TMEM132D: variants seen among roughly 807,000 people sequenced by gnomAD.
The protein encoded by TMEM132D is transmembrane protein 132D.
A neutral mutation model predicts 62.3 loss-of-function variants in TMEM132D; 21 were observed. The observed-to-expected ratio is 0.34, with a 90% CI of 0.24 to 0.49. The LOEUF (loss-of-function observed/expected upper bound fraction) is 0.49. TMEM132D is among the 20% of genes least tolerant of loss of function. The pLI, the probability that TMEM132D is intolerant of heterozygous loss-of-function variation, is 0.99. For synonymous variants in TMEM132D, 621 were observed against 575.6 expected (o/e 1.08, Z -1.13); for missense variants, 1,346 against 1,402.8 (o/e 0.96, Z 0.65).
chr12:129,777,407 T>C (rs1256430244), intron 1 of TMEM132D, among the ~76,000 whole-genome samples: 2 of 152,198 alleles, frequency 1.3e-5, no homozygotes, highest in African/African-American at 2.4e-5. Context: ...AGAATCCACT[T>C]GCGAGCTAGA....
intron 3 of TMEM132D, among the ~76,000 whole-genome samples, chr12:129,452,329 A>G (rs1873318944): frequency 6.6e-6 from 1 of 152,258 alleles, no homozygotes; most frequent in African/African-American, 2.4e-5. Flanking sequence ...AAACATTTCA[A>G]ACTTACTTTC....
At position 129,200,021 on chromosome 12, in the gene TMEM132D, C is replaced by T. The variant is rs111253651; in HGVS notation, c.1443+9499G>A. 4.9e-3 allele frequency among the ~76,000 whole-genome samples: 746 copies of T among 152,170 alleles called. 8 individuals are homozygous for T. Among genetic ancestry groups the T allele is most frequent in the African/African-American group, 0.017 (688 of 41,512 alleles). On this transcript the variant is annotated intron_variant, in intron 5 of 8. Transcript: ENST00000422113. ...ACTATTTGCTGTCCAAATAGAATGC[C>T]GTGATTAAAAATCAATAATAATGCC...
At chr12:129,248,901 T>G (rs2135589028) in intron 4 of TMEM132D, among the ~76,000 whole-genome samples, 1 of 152,302 alleles carries the variant, frequency 6.6e-6, no homozygotes, top group African/African-American at 2.4e-5. Flanking sequence ...GGTTGCATAG[T>G]ATTCCATGGT....
At chr12:129,288,735 A>C (rs1215817198) in intron 4 of TMEM132D, among the ~76,000 whole-genome samples, 1 of 152,252 alleles carries the variant, frequency 6.6e-6, no homozygotes, top group Non-Finnish European at 1.5e-5. Context: ...CTAGGTATTT[A>C]TCCAAAATAA....
At chr12:129,601,709 C>G (rs1878487542) in intron 2 of TMEM132D, among the ~76,000 whole-genome samples, 1 of 137,806 alleles carries the variant, frequency 7.3e-6, no homozygotes, top group Non-Finnish European at 1.7e-5. Flanking sequence ...GTGGGGCAGT[C>G]AGAACACACA....
At chr12:129,125,563 G>C (rs137971018) in intron 5 of TMEM132D, among the ~76,000 whole-genome samples, 9 of 145,746 alleles carry the variant, frequency 6.2e-5, no homozygotes, top group African/African-American at 1.3e-4. Flanking sequence ...AGAGTGCAGT[G>C]ACACAATCAC....
chr12:129,815,533 G>T (rs532793802), intron 1 of TMEM132D, among the ~76,000 whole-genome samples: 1 of 152,250 alleles, frequency 6.6e-6, no homozygotes, highest in South Asian at 2.1e-4. Flanking sequence ...GCAGGGGCCC[G>T]ACTGCATTTC....
At chr12:129,805,741 C>A (rs1871958810) in intron 1 of TMEM132D, among the ~76,000 whole-genome samples, 2 of 150,606 alleles carry the variant, frequency 1.3e-5, no homozygotes, top group South Asian at 4.2e-4. Context: ...AAACTACCAT[C>A]AGAGTGAACA....
intron 3 of TMEM132D, among the ~76,000 whole-genome samples, chr12:129,344,772 G>A (rs879266748): frequency 2.0e-5 from 3 of 152,096 alleles, no homozygotes; most frequent in African/African-American, 7.2e-5. Context: ...TTTATTTAAC[G>A]GGTCTTAGGG....
At chr12:129,713,236 G>A (rs2137237941) in intron 1 of TMEM132D, among the ~76,000 whole-genome samples, 1 of 152,222 alleles carries the variant, frequency 6.6e-6, no homozygotes, top group Admixed American at 6.5e-5. Flanking sequence ...TATCCCAAGA[G>A]TCTGATATGT....
At chr12:129,269,697 C>A (rs1421124975) in intron 4 of TMEM132D, among the ~76,000 whole-genome samples, 2 of 152,140 alleles carry the variant, frequency 1.3e-5, no homozygotes, top group African/African-American at 2.4e-5. Flanking sequence ...CCCCCAGTTA[C>A]CACTGTTCTA....
At chr12:129,279,063 G>A (rs1032007506) in intron 4 of TMEM132D, among the ~76,000 whole-genome samples, 4 of 152,084 alleles carry the variant, frequency 2.6e-5, no homozygotes, top group Non-Finnish European at 5.9e-5. Flanking sequence ...CAAACTTTAT[G>A]TAAATTTTTC....
In TMEM132D at chr12:129,083,387, C is replaced by T. The variant is rs117112056; in HGVS notation, c.1649+1110G>A. Reference sequence around the variant, plus strand: ...CCATGTCTGAACCAGGCAGCTGTGACAGCGTGTGGGATGCACTGCAGTGAG... The same window carrying T: ...CCATGTCTGAACCAGGCAGCTGTGATAGCGTGTGGGATGCACTGCAGTGAG... On this transcript the variant is annotated intron_variant, in intron 6 of 8. Coordinates refer to ENST00000422113, the MANE Select transcript of TMEM132D (RefSeq NM_133448.3). Among the ~76,000 whole-genome samples, 443 of 152,334 alleles carry T rather than the reference C, an allele frequency of 2.9e-3. 5 individuals carry two copies. In the East Asian group the frequency reaches 0.045, roughly 15 times the overall value.
chr12:129,842,097 A>ATTTTTTTTTT (rs746315309), intron 1 of TMEM132D, among the ~76,000 whole-genome samples: 732 of 97,282 alleles, frequency 7.5e-3, no homozygotes, highest in African/African-American at 0.023. Context: ...CGCCCGGCTA[A>ATTTTTTTTTT]TTTTTTTTTT....
intron 2 of TMEM132D, among the ~76,000 whole-genome samples, chr12:129,610,079 G>A (rs1435707616): frequency 2.0e-5 from 3 of 152,160 alleles, no homozygotes; most frequent in Admixed American, 6.5e-5. Flanking sequence ...AGACCAGCCT[G>A]GCCAACACAG....
intron 2 of TMEM132D, among the ~76,000 whole-genome samples, chr12:129,561,380 T>C (rs1368645941): frequency 6.6e-6 from 1 of 152,182 alleles, no homozygotes; most frequent in South Asian, 2.1e-4. Context: ...CAGAGACCAA[T>C]GTATGTTCTC....
chr12:129,390,349 A>G (rs1279992732), intron 3 of TMEM132D, among the ~76,000 whole-genome samples: 4 of 152,132 alleles, frequency 2.6e-5, no homozygotes, highest in Admixed American at 6.5e-5. Context: ...ACAAAGCCCC[A>G]GATATTTACT....
At chr12:129,713,443 T>C (rs1015067900) in intron 1 of TMEM132D, among the ~76,000 whole-genome samples, 25 of 152,014 alleles carry the variant, frequency 1.6e-4, no homozygotes, top group Non-Finnish European at 1.0e-4. Flanking sequence ...TTACCTCAAG[T>C]AGTGTATGCA....
intron 5 of TMEM132D, among the ~76,000 whole-genome samples, chr12:129,129,012 G>A (rs543245360): frequency 6.6e-6 from 1 of 152,174 alleles, no homozygotes; most frequent in South Asian, 2.1e-4. Flanking sequence ...TTCAGATGCA[G>A]GGGATACATG....
Sources: allele counts gnomAD v4.1 joint callset (sites outside exome capture counted in the v4.1 genomes callset), GRCh38; gene constraint gnomAD v4.1.1; transcripts MANE v1.5; gene names NCBI Gene and HGNC (gene_info 2026-07-23, HGNC 2026-07-21).